Variants in GLCCI1 observed in about 807,000 individuals in gnomAD.
GLCCI1 encodes the protein glucocorticoid induced 1.
A neutral mutation model predicts 52.2 loss-of-function variants in GLCCI1; 24 were observed. That is an observed-to-expected ratio of 0.46 (90% CI 0.33 to 0.65). GLCCI1 has a LOEUF of 0.65. Ranked by LOEUF, GLCCI1 falls within the 30% of genes least tolerant of loss-of-function variation. GLCCI1 has a pLI of 0.02. For missense variants in GLCCI1, 704 were observed against 701.5 expected (o/e 1.00, Z -0.04); for synonymous variants, 310 against 276.5 (o/e 1.12, Z -1.20).
rs946590261 is a variant in GLCCI1, at chr7:7,969,164, C to G, written c.-187C>G. The stretch of plus-strand genomic sequence containing the variant: ...TTTGTTTTCGCAGCCTTCCCCTCCC[C>G]CCTCGCCGAGGCGGCGGGGGTGTGC... On this transcript the variant is annotated 5_prime_UTR_variant, in exon 1 of 8. Transcript: ENST00000223145. The surrounding 1 kb of genome is among the most constrained non-coding windows in gnomAD (Gnocchi z 4.9). The G allele has an allele frequency of 1.2e-5, 6 of 504,998 alleles. No homozygotes were observed. The highest frequency in any genetic ancestry group is 7.7e-5 in the South Asian group (1 of 12,974). The allele number at this position is 504,998 out of a possible 1,614,324, so 31.3% of individuals were successfully genotyped here. A position where few individuals can be genotyped will look rare whatever the true frequency, so the allele number is the denominator to read the frequency against.
At chr7:8,039,162 T>G (rs1272726121) in intron 3 of GLCCI1, among the ~76,000 whole-genome samples, 2 of 152,216 alleles carry the variant, frequency 1.3e-5, no homozygotes, top group South Asian at 4.1e-4. Flanking sequence ...AGAATGTAAA[T>G]TACTACAACC....
intron 1 of GLCCI1, among the ~76,000 whole-genome samples, chr7:7,999,041 A>G (rs1041749095): frequency 6.6e-6 from 1 of 152,032 alleles, no homozygotes; most frequent in African/African-American, 2.4e-5. Context: ...ATAAGCAGCT[A>G]CACATTACTG....
chr7:8,033,527 TTATAACTAA>T (rs201972083), intron 3 of GLCCI1, among the ~76,000 whole-genome samples: 2,048 of 152,216 alleles, frequency 0.013, 22 homozygotes, highest in Middle Eastern at 0.041. Flanking sequence ...AAATATATTA[TTATAACTAA>T]TAAGTTTACC....
chr7:8,000,686 A>G (rs555090732), intron 1 of GLCCI1, among the ~76,000 whole-genome samples: 1 of 149,158 alleles, frequency 6.7e-6, no homozygotes, highest in Non-Finnish European at 1.5e-5. Context: ...CATAATATTC[A>G]GTATCATAAA....
At chr7:8,062,985 A>G (rs1245348042) in intron 5 of GLCCI1, among the ~76,000 whole-genome samples, 3 of 152,220 alleles carry the variant, frequency 2.0e-5, no homozygotes, top group Non-Finnish European at 2.9e-5. Context: ...GTATATACTC[A>G]ATAATGGGAT....
At chr7:8,083,355 A>G (rs980677823) in intron 6 of GLCCI1, among the ~76,000 whole-genome samples, 6 of 151,896 alleles carry the variant, frequency 4.0e-5, no homozygotes, top group African/African-American at 1.4e-4. Flanking sequence ...TTGAGGCCTT[A>G]TTCTCATCAG....
intron 2 of GLCCI1, among the ~76,000 whole-genome samples, chr7:8,016,010 A>G (rs535446500): frequency 6.6e-6 from 1 of 152,294 alleles, no homozygotes; most frequent in South Asian, 2.1e-4. Flanking sequence ...ATTTGGAATA[A>G]CACTCTTACT....
At position 7,969,468 on chromosome 7, in the gene GLCCI1, G is replaced by T. The variant is rs1780290227; in HGVS notation, c.118G>T (p.Gly40Trp). The T allele has an allele frequency of 4.5e-6, 5 of 1,111,924 alleles. No individual in the cohort carries two copies. The highest frequency in any genetic ancestry group is 4.4e-6 in the Non-Finnish European group (4 of 913,368). The allele number at this position is 1,111,924 out of a possible 1,614,324, so 68.9% of individuals were successfully genotyped here. The part of the protein sequence containing the change: ...SPPAVAAAGS[G>W]NGAGGGGGVG... Reference sequence around the variant, plus strand: ...GCCCGCCGTCGCCGCCGCCGGGAGCGGGAACGGTGCGGGCGGCGGCGGCGG... The same window carrying T: ...GCCCGCCGTCGCCGCCGCCGGGAGCTGGAACGGTGCGGGCGGCGGCGGCGG... Residue 40 changes from glycine (G) to tryptophan (W), a missense_variant, in exon 1 of 8, where the codon GGG becomes TGG. Gly to Trp is a radical substitution (Grantham distance 184). Coordinates refer to ENST00000223145, the MANE Select transcript of GLCCI1 (RefSeq NM_138426.4). The surrounding 1 kb of genome is among the most constrained non-coding windows in gnomAD (Gnocchi z 4.9).
At chr7:8,009,688 A>G (rs994391285) in intron 2 of GLCCI1, among the ~76,000 whole-genome samples, 3 of 152,346 alleles carry the variant, frequency 2.0e-5, no homozygotes, top group South Asian at 4.1e-4. Context: ...TGACCCATAC[A>G]TGTAGTATGA....
chr7:8,028,415 G>A (rs1396257148), intron 3 of GLCCI1, among the ~76,000 whole-genome samples: 2 of 152,098 alleles, frequency 1.3e-5, no homozygotes, highest in Non-Finnish European at 2.9e-5. Flanking sequence ...TGAAACAAAT[G>A]ATAATGGAAG....
chr7:7,969,329 G>T lies in GLCCI1; in HGVS notation c.-22G>T. On this transcript the variant is annotated 5_prime_UTR_variant, in exon 1 of 8. Coordinates refer to ENST00000223145, the MANE Select transcript of GLCCI1 (RefSeq NM_138426.4). This position sits in a 1 kb window ranked among gnomAD's most constrained non-coding sequence, Gnocchi z 4.9. The stretch of plus-strand genomic sequence containing the variant: ...CCGCGCCTCCGTGTCGGCCGGCGGC[G>T]TCCAGGGCCCGCAGAGCCACCATGT... 1 of 1,438,394 alleles carries T rather than the reference G, an allele frequency of 7.0e-7. No individual in the cohort carries two copies. The highest frequency in any genetic ancestry group is 9.2e-7 in the Non-Finnish European group (1 of 1,092,176). The allele number at this position is 1,438,394 out of a possible 1,614,324, so 89.1% of individuals were successfully genotyped here.
chr7:7,984,424 A>G (rs984310273), intron 1 of GLCCI1, among the ~76,000 whole-genome samples: 1 of 152,208 alleles, frequency 6.6e-6, no homozygotes, highest in African/African-American at 2.4e-5. Context: ...CAAGTTAAAA[A>G]TTCTGATGTT....
rs915126272 is a variant in GLCCI1 at position 7,968,942 on chromosome 7, G to C, written c.-409G>C. ...AGCAGGGGTCCCGGCCCTCCTTGCA[G>C]CTGCCGGGTTCTCCCGTGCGTGCAG... On this transcript the variant is annotated 5_prime_UTR_variant, in exon 1 of 8. Transcript: ENST00000223145. The C allele has an allele frequency of 1.9e-5, 3 of 154,592 alleles. No homozygotes were observed. Among genetic ancestry groups the C allele is most frequent in the African/African-American group, 7.2e-5 (3 of 41,436 alleles). The allele number at this position is 154,592 out of a possible 1,614,324, so 9.6% of individuals were successfully genotyped here.
At chr7:8,008,043 A>C (rs114539397) in intron 2 of GLCCI1, among the ~76,000 whole-genome samples, 3,146 of 152,270 alleles carry the variant, frequency 0.021, 108 homozygotes, top group African/African-American at 0.071. Context: ...TGATTACATC[A>C]ATCTATTTAA....
chr7:8,051,694 T>C (rs1782261720), intron 3 of GLCCI1, among the ~76,000 whole-genome samples: 1 of 152,250 alleles, frequency 6.6e-6, no homozygotes, highest in South Asian at 2.1e-4. Flanking sequence ...TTAGACCTTA[T>C]GATGGGTGTT....
intron 3 of GLCCI1, among the ~76,000 whole-genome samples, chr7:8,028,429 A>G (rs1315444952): frequency 6.6e-6 from 1 of 152,216 alleles, no homozygotes; most frequent in Non-Finnish European, 1.5e-5. Flanking sequence ...ATGGAAGCAC[A>G]ACATACCAAA....
intron 3 of GLCCI1, among the ~76,000 whole-genome samples, chr7:8,024,199 T>C (rs972511693): frequency 6.6e-6 from 1 of 152,206 alleles, no homozygotes; most frequent in Non-Finnish European, 1.5e-5. Context: ...GTCCCTCATA[T>C]ACTGTGGTGT....
intron 6 of GLCCI1, chr7:8,084,611 AATAAC>A (rs1562455102): frequency 1.6e-5 from 4 of 255,266 alleles, no homozygotes; most frequent in African/African-American, 4.5e-5. Context: ...ATACGTAATA[AATAAC>A]ATATTTGTTT....
chr7:8,006,401 A>T (rs1357368920), intron 2 of GLCCI1, among the ~76,000 whole-genome samples: 1 of 152,124 alleles, frequency 6.6e-6, no homozygotes, highest in African/African-American at 2.4e-5. Flanking sequence ...GAAGGAAAGA[A>T]CGCTGGATAT....
Sources: allele counts gnomAD v4.1 joint callset (sites outside exome capture counted in the v4.1 genomes callset), GRCh38; gene constraint gnomAD v4.1.1; non-coding constraint Gnocchi (gnomAD v3.1); transcripts MANE v1.5; gene names NCBI Gene and HGNC (gene_info 2026-07-23, HGNC 2026-07-21).